RSPO2: variants seen among roughly 807,000 people sequenced by gnomAD.
RSPO2 encodes R-spondin-2.
RSPO2 carries 14 observed loss-of-function variants against 30.9 expected under a neutral mutation model. The observed-to-expected ratio is 0.45, with a 90% confidence interval of 0.30 to 0.71. The LOEUF (loss-of-function observed/expected upper bound fraction) is 0.71, where lower values mean the gene tolerates loss of function less well. Among genes scored for constraint, RSPO2 ranks in the 30% least tolerant of loss-of-function variants. The pLI is 0.08. For synonymous variants in RSPO2, 107 were observed against 96.4 expected, an observed-to-expected ratio of 1.11 and a Z score of -0.64; for missense variants, 264 against 301.9, an observed-to-expected ratio of 0.87 and a Z score of 0.93.
chr8:107,966,919 T>C (rs1320712864), intron 3 of RSPO2, among the ~76,000 whole-genome samples: 1 of 152,198 alleles, frequency 6.6e-6, no homozygotes, highest in Non-Finnish European at 1.5e-5. Flanking sequence ...CCTGGGAATC[T>C]ATGTTCTCTT....
intron 2 of RSPO2, among the ~76,000 whole-genome samples, chr8:108,041,679 T>A (rs1456450177): frequency 6.6e-6 from 1 of 152,092 alleles, no homozygotes; most frequent in African/African-American, 2.4e-5. Flanking sequence ...ATCAGAGTGA[T>A]AAAAGACACC....
Position 107,947,643 on chromosome 8 carries a change from G to C in RSPO2, c.616+10437C>G, listed in dbSNP as rs139392442. ...AGACTCAGACTCTGTTTAATGCTCT[G>C]CCCTAAATCAGGGATGTACAGTTGA... On this transcript the variant is annotated intron_variant, in intron 5 of 5. Coordinates refer to ENST00000276659, the MANE Select transcript of RSPO2 (RefSeq NM_178565.5). Among the ~76,000 whole-genome samples the C allele has an allele frequency of 3.7e-4, 57 of 152,274 alleles. 1 individual carries two copies. The highest frequency in any genetic ancestry group is 3.4e-3 in the Middle Eastern group (1 of 294).
At chr8:108,024,638 G>A (rs1158839565) in intron 2 of RSPO2, among the ~76,000 whole-genome samples, 3 of 152,136 alleles carry the variant, frequency 2.0e-5, no homozygotes, top group Non-Finnish European at 4.4e-5. Context: ...TAGAAGGGAT[G>A]GGGTATGAAA....
At chr8:108,075,424 G>A (rs1812979701) in intron 2 of RSPO2, among the ~76,000 whole-genome samples, 1 of 151,196 alleles carries the variant, frequency 6.6e-6, no homozygotes, top group South Asian at 2.1e-4. Context: ...GAGGTTCAGT[G>A]AGTCAAGATC....
chr8:107,943,987 CCATTT>C (rs1190402477), intron 5 of RSPO2, among the ~76,000 whole-genome samples: 5 of 152,100 alleles, frequency 3.3e-5, no homozygotes, highest in Admixed American at 2.6e-4. Flanking sequence ...ATTCCTTTTA[CCATTT>C]ATTTAGAGGT....
chr8:107,930,946 C>A (rs1812535466), intron 5 of RSPO2, among the ~76,000 whole-genome samples: 1 of 152,154 alleles, frequency 6.6e-6, no homozygotes, highest in South Asian at 2.1e-4. Context: ...ATCCAATTTG[C>A]TTCTCATCAT....
intron 5 of RSPO2, among the ~76,000 whole-genome samples, chr8:107,904,370 A>AC (rs1184870338): frequency 6.6e-6 from 1 of 151,818 alleles, no homozygotes. Context: ...AAAAAAAAAA[A>AC]AGAAGTTTGA....
At chr8:108,059,780 T>C (rs200681554) in intron 2 of RSPO2, among the ~76,000 whole-genome samples, 5 of 145,406 alleles carry the variant, frequency 3.4e-5, no homozygotes, top group African/African-American at 1.0e-4. Context: ...CACATTCTCA[T>C]TCATAGGTGG....
intron 5 of RSPO2, among the ~76,000 whole-genome samples, chr8:107,954,605 TTTTA>T (rs1554576269): frequency 7.6e-5 from 3 of 39,716 alleles, no homozygotes; most frequent in Non-Finnish European, 1.0e-4. Context: ...TATTTATTTA[TTTTA>T]TTTATTTATT....
intron 5 of RSPO2, among the ~76,000 whole-genome samples, chr8:107,918,237 A>G (rs1812039327): frequency 6.6e-6 from 1 of 152,186 alleles, no homozygotes; most frequent in African/African-American, 2.4e-5. Context: ...ACTCCTATGA[A>G]CAAAATTTTG....
At chr8:107,966,158 A>T (rs1035584635) in intron 3 of RSPO2, among the ~76,000 whole-genome samples, 1 of 152,208 alleles carries the variant, frequency 6.6e-6, no homozygotes, top group Non-Finnish European at 1.5e-5. Context: ...GGCTTTAAGT[A>T]TTTAAGTAAT....
intron 5 of RSPO2, among the ~76,000 whole-genome samples, chr8:107,952,406 TCAGA>T (rs758561635): frequency 5.3e-5 from 8 of 152,130 alleles, no homozygotes; most frequent in Admixed American, 2.6e-4. Flanking sequence ...CATTGATTTC[TCAGA>T]CAGACATTAT....
At chr8:107,974,095 G>T (rs1473029909) in intron 3 of RSPO2, among the ~76,000 whole-genome samples, 1 of 152,114 alleles carries the variant, frequency 6.6e-6, no homozygotes, top group Non-Finnish European at 1.5e-5. Flanking sequence ...GCCTACAGGG[G>T]TGCCAACTTC....
At chr8:108,044,656 A>G (rs1811859164) in intron 2 of RSPO2, among the ~76,000 whole-genome samples, 1 of 152,104 alleles carries the variant, frequency 6.6e-6, no homozygotes, top group Non-Finnish European at 1.5e-5. Flanking sequence ...TATTGTGAGC[A>G]GTGCTGCAAT....
At chr8:108,000,055 A>G (rs904037481) in intron 2 of RSPO2, among the ~76,000 whole-genome samples, 1 of 152,284 alleles carries the variant, frequency 6.6e-6, no homozygotes, top group South Asian at 2.1e-4. Flanking sequence ...TTTAATTAAG[A>G]CGTCACAGGG....
intron 2 of RSPO2, among the ~76,000 whole-genome samples, chr8:108,014,386 C>CATGCACACAT (rs1227488822): frequency 1.3e-5 from 2 of 152,168 alleles, no homozygotes; most frequent in Non-Finnish European, 2.9e-5. Context: ...CATAAAGACA[C>CATGCACACAT]ATGCACACAT....
At chr8:108,031,128 C>T (rs1811405031) in intron 2 of RSPO2, among the ~76,000 whole-genome samples, 1 of 152,158 alleles carries the variant, frequency 6.6e-6, no homozygotes, top group East Asian at 1.9e-4. Flanking sequence ...ATCTAAGTTA[C>T]ATTTCTAAAC....
At chr8:107,911,018 T>G (rs1441995910) in intron 5 of RSPO2, among the ~76,000 whole-genome samples, 1 of 152,176 alleles carries the variant, frequency 6.6e-6, no homozygotes, top group Non-Finnish European at 1.5e-5. Context: ...AGCAAAGATA[T>G]AAGGGCTACA....
At chr8:108,062,501 C>T (rs199738805) in intron 2 of RSPO2, among the ~76,000 whole-genome samples, 6 of 151,682 alleles carry the variant, frequency 4.0e-5, no homozygotes, top group Non-Finnish European at 8.8e-5. Context: ...AAGTTAAATC[C>T]CTGAATAGAC....
Sources: allele counts gnomAD v4.1 joint callset (sites outside exome capture counted in the v4.1 genomes callset), GRCh38; gene constraint gnomAD v4.1.1; transcripts MANE v1.5; gene names NCBI Gene and HGNC (gene_info 2026-07-23, HGNC 2026-07-21).